Variants in SLFNL1 observed in about 807,000 individuals in gnomAD.
The protein encoded by SLFNL1 is schlafen like 1, also known as schlafen-like protein 1.
In SLFNL1, 26 loss-of-function variants were observed where a neutral mutation model predicts 32.5. That is an observed-to-expected ratio of 0.80 (90% CI 0.59 to 1.11). The LOEUF (loss-of-function observed/expected upper bound fraction) is 1.11. Among genes scored for constraint, SLFNL1 ranks in the 50% least tolerant of loss-of-function variants. The pLI is 0.00. For missense variants in SLFNL1, 553 were observed against 546.5 expected (o/e 1.01, Z -0.12); for synonymous variants, 255 against 242.2 (o/e 1.05, Z -0.49).
chr1:41,016,636 C>A, intron 5 of SLFNL1: 1 of 171,926 alleles, frequency 5.8e-6, no homozygotes, highest in Non-Finnish European at 1.2e-5. Context: ...TGCTCCCTCA[C>A]TCAAGATCGA....
Position 41,017,889 on chromosome 1 carries a change from G to T in SLFNL1, c.703C>A (p.Leu235Ile), listed in dbSNP as rs1023383586. Residue 235 changes from leucine to isoleucine, a missense_variant, in exon 4 of 6, where the codon CTC (leucine) becomes ATC (isoleucine). By Grantham distance (5) the Leu-to-Ile change is conservative. Transcript: ENST00000302946. The surrounding 1 kb of genome is among the most constrained non-coding windows in gnomAD (Gnocchi z 4.9). ...ACGTGGTGCTTGAAGGCCAGGCTGA[G>T]GTACTCGCCGCTACCCCGCTTGAAC... ...MEFKRGSGEY[L>I]SLAFKHHVRR... The T allele has an allele frequency of 6.2e-7, 1 of 1,610,110 alleles. No individual in the cohort carries two copies. Among genetic ancestry groups the T allele is most frequent in the Non-Finnish European group, 8.5e-7 (1 of 1,177,484 alleles).
At chr1:41,020,190 A>G in intron 3 of SLFNL1, 36 bp downstream of exon 3, 1 of 1,546,982 alleles carries the variant, frequency 6.5e-7, no homozygotes, top group Non-Finnish European at 8.7e-7. Context: ...CCTTGGGGTG[A>G]GGCTTTGGAG....
intron 3 of SLFNL1, 106 bp from the exon 4 acceptor site, chr1:41,018,262 ACT>A (rs1323940123): frequency 6.0e-6 from 7 of 1,170,696 alleles, no homozygotes; most frequent in Admixed American, 6.2e-5. Context: ...CTGCAGCCTG[ACT>A]CTTACGGACA....
In SLFNL1 at chr1:41,016,099, A is replaced by C. The variant is rs779045649; in HGVS notation, c.*7T>G. Reference sequence around the variant, plus strand: ...TGCCGTGCCGTCCTGCCTGCTCCCCAGGGCCCTCACAGGACACAGCAGGTG... The same window carrying C: ...TGCCGTGCCGTCCTGCCTGCTCCCCCGGGCCCTCACAGGACACAGCAGGTG... On this transcript the variant is annotated 3_prime_UTR_variant, in exon 6 of 6. Transcript: ENST00000302946. The C allele has an allele frequency of 9.3e-6, 15 of 1,612,138 alleles. No homozygotes were observed. Among genetic ancestry groups the C allele is most frequent in the Non-Finnish European group, 1.3e-5 (15 of 1,179,020 alleles).
chr1:41,018,251 G>T, intron 3 of SLFNL1, 95 bp from the exon 4 acceptor site: 1 of 1,286,932 alleles, frequency 7.8e-7, no homozygotes, highest in Non-Finnish European at 1.0e-6. Flanking sequence ...TCAGGCCCCT[G>T]CTGCAGCCTG....
At chr1:41,018,827 T>G (rs1643574107) in intron 3 of SLFNL1, among the ~76,000 whole-genome samples, 1 of 119,290 alleles carries the variant, frequency 8.4e-6, no homozygotes, top group African/African-American at 3.0e-5. Flanking sequence ...TCAACCCTCC[T>G]GTTTTTTTTT....
intron 3 of SLFNL1, among the ~76,000 whole-genome samples, chr1:41,019,240 C>T (rs2148449984): frequency 6.6e-6 from 1 of 152,166 alleles, no homozygotes; most frequent in Non-Finnish European, 1.5e-5. Flanking sequence ...CCTGCAGCTC[C>T]CCAGAGAAGA....
chr1:41,020,696 C>T lies in SLFNL1; in HGVS notation c.-36G>A, dbSNP rs1643769604. On this transcript the variant is annotated 5_prime_UTR_variant, in exon 3 of 6. Coordinates refer to ENST00000302946, the MANE Select transcript of SLFNL1 (RefSeq NM_144990.4). ...TCCCTGGGAAGGGGTTCCAGGATTC[C>T]TCACTGCTGGCTGCTTCTCCCAGGG... The T allele has an allele frequency of 1.3e-6, 2 of 1,579,354 alleles. No individual in the cohort carries two copies. Among genetic ancestry groups the T allele is most frequent in the Non-Finnish European group, 1.7e-6 (2 of 1,157,552 alleles).
At chr1:41,018,828 G>GTTCTTT (rs1643576542) in intron 3 of SLFNL1, among the ~76,000 whole-genome samples, 1 of 60,644 alleles carries the variant, frequency 1.6e-5, no homozygotes, top group Non-Finnish European at 2.9e-5. Flanking sequence ...CAACCCTCCT[G>GTTCTTT]TTTTTTTTTT....
At chr1:41,021,007 C>T (rs753142279) in intron 1 of SLFNL1, 137 bp from the exon 2 acceptor site, 1 of 253,400 alleles carries the variant, frequency 3.9e-6, no homozygotes, top group Non-Finnish European at 7.7e-6. Flanking sequence ...CCCCAGGGGT[C>T]CTGTCTTCCC....
rs376280126 is a variant in SLFNL1 at position 41,018,001 on chromosome 1, G to A, written c.591C>T (p.Ser197=). ...TCTGCTGGTGCACAATGGCACTGTC[G>A]GAGCACACGCCGCTGGGCCGGCCCT... ...SCQGRPSGVC[S]DSAIVHQQIV... Residue 197 remains serine, a synonymous_variant, in exon 4 of 6, where the codon TCC becomes TCT. Transcript: ENST00000302946. 2.9e-5 allele frequency: 47 copies of A among 1,606,940 alleles called. No individual in the cohort carries two copies. Among genetic ancestry groups the A allele is most frequent in the Non-Finnish European group, 3.5e-5 (41 of 1,177,504 alleles).
At chr1:41,016,362 A>G (rs959450203) in intron 5 of SLFNL1, 134 bp from the exon 6 acceptor site, 1 of 1,389,500 alleles carries the variant, frequency 7.2e-7, no homozygotes, top group African/African-American at 1.5e-5. Flanking sequence ...GGGAAAAGTC[A>G]GGCCCCTCGG....
At chr1:41,018,334 C>A in intron 3 of SLFNL1, 178 bp from the exon 4 acceptor site, 1 of 579,334 alleles carries the variant, frequency 1.7e-6, no homozygotes, top group Admixed American at 3.5e-5. Context: ...GCAGCCGAGG[C>A]AGGAAACCCT....
intron 5 of SLFNL1, chr1:41,016,439 T>G (rs1286894754): frequency 1.7e-5 from 11 of 650,158 alleles, no homozygotes; most frequent in East Asian, 8.9e-5. Flanking sequence ...GAAGGGAGCC[T>G]CCTCCGTGCT....
In SLFNL1 at chr1:41,017,802, C is replaced by T. The variant is rs200423444; in HGVS notation, c.790G>A (p.Asp264Asn). 3 of 1,601,556 alleles carry T rather than the reference C, an allele frequency of 1.9e-6. No homozygotes were observed. The highest frequency in any genetic ancestry group is 4.5e-5 in the East Asian group (2 of 44,570). ...EGGSLLVGVE[D>N]SGLVQGIRCS... ...CGGATGCCCTGCACCAGGCCGCTGT[C>T]CTCTACTCCCACGAGCAGGCTGCCG... Residue 264 changes from aspartate to asparagine, a missense_variant, in exon 4 of 6, where the codon GAC becomes AAC. Physicochemically the swap from Asp to Asn is conservative, Grantham distance 23. Coordinates refer to ENST00000302946, the MANE Select transcript of SLFNL1 (RefSeq NM_144990.4). The surrounding 1 kb of genome is among the most constrained non-coding windows in gnomAD (Gnocchi z 4.9).
intron 3 of SLFNL1, chr1:41,018,375 T>G: frequency 2.2e-6 from 1 of 455,524 alleles, no homozygotes; most frequent in Non-Finnish European, 3.8e-6. Flanking sequence ...CAGCGCTCCT[T>G]TCCCTGCCAA....
At position 41,015,977 on chromosome 1, in the gene SLFNL1, T is replaced by G; in HGVS notation, c.*129A>C. 1.5e-6 allele frequency: 2 copies of G among 1,298,448 alleles called. No homozygotes were observed. The highest frequency in any genetic ancestry group is 1.5e-5 in the South Asian group (1 of 67,160). The allele number at this position is 1,298,448 out of a possible 1,614,324, so 80.4% of individuals were successfully genotyped here. A position where few individuals can be genotyped will look rare whatever the true frequency, so the allele number is the denominator to read the frequency against. On this transcript the variant is annotated 3_prime_UTR_variant, in exon 6 of 6. Coordinates refer to ENST00000302946, the MANE Select transcript of SLFNL1 (RefSeq NM_144990.4). ...CACATGGGTGCCTGCTCATGTGCCA[T>G]GTTGAAGGAGTCCCTGTCCGCCTCT...
intron 3 of SLFNL1, 131 bp from the exon 4 acceptor site, chr1:41,018,287 T>G: frequency 2.1e-6 from 2 of 934,610 alleles, no homozygotes; most frequent in Admixed American, 3.3e-5. Context: ...CTGATGCCCC[T>G]CACCAGGCCG....
chr1:41,016,149 AGCT>A lies in SLFNL1; in HGVS notation c.1178_1180del (p.Gln393del). On this transcript the variant is annotated inframe_deletion, in exon 6 of 6. Transcript: ENST00000302946. Reference sequence around the variant, plus strand: ...GCAGGACACAGGCCCGTGCTGCTGCAGCTGCTGCTGGAGCTGCTCCTTCTCCAT... The same window carrying A: ...GCAGGACACAGGCCCGTGCTGCTGCAGCTGCTGGAGCTGCTCCTTCTCCAT... 1 of 1,614,126 alleles carries A rather than the reference AGCT, an allele frequency of 6.2e-7. No homozygotes were observed. Among genetic ancestry groups the A allele is most frequent in the Non-Finnish European group, 8.5e-7 (1 of 1,180,018 alleles).
Sources: allele counts gnomAD v4.1 joint callset (sites outside exome capture counted in the v4.1 genomes callset), GRCh38; gene constraint gnomAD v4.1.1; non-coding constraint Gnocchi (gnomAD v3.1); transcripts MANE v1.5; gene names NCBI Gene and HGNC (gene_info 2026-07-23, HGNC 2026-07-21).